Variants in FSTL5 observed in about 807,000 individuals in gnomAD.
The protein encoded by FSTL5 is follistatin like 5, also known as follistatin-related protein 5.
In FSTL5, 62 loss-of-function variants were observed where a neutral mutation model predicts 89.1. The observed-to-expected ratio is 0.70, with a 90% CI of 0.57 to 0.86. The LOEUF (loss-of-function observed/expected upper bound fraction) is 0.86. FSTL5 is among the 40% of genes least tolerant of loss of function. The probability of loss-of-function intolerance (pLI) is 0.00; values close to 1 mark genes in which losing one functional copy is unlikely to be tolerated. For synonymous variants in FSTL5, 383 were observed against 346.2 expected (o/e 1.11, Z -1.18); for missense variants, 1,057 against 1,001.6 (o/e 1.06, Z -0.75).
At chr4:161,569,901 C>T (rs1732948489) in intron 8 of FSTL5, among the ~76,000 whole-genome samples, 1 of 151,922 alleles carries the variant, frequency 6.6e-6, no homozygotes, top group South Asian at 2.1e-4. Context: ...GAGTTGGGGC[C>T]TAGCAATCTA....
chr4:162,054,154 T>G (rs961697454), intron 2 of FSTL5, among the ~76,000 whole-genome samples: 1 of 150,944 alleles, frequency 6.6e-6, no homozygotes, highest in Non-Finnish European at 1.5e-5. Flanking sequence ...GCATTTATAT[T>G]AGAAAATTTA....
chr4:162,128,188 C>G (rs1480531313), intron 1 of FSTL5, among the ~76,000 whole-genome samples: 1 of 152,118 alleles, frequency 6.6e-6, no homozygotes. Flanking sequence ...TAACTAATTA[C>G]TTCTAGTAAT....
Position 161,818,246 on chromosome 4 carries a change from G to T in FSTL5, c.410-42172C>A, listed in dbSNP as rs577323550. Among the ~76,000 whole-genome samples, 518 of 152,244 alleles carry T rather than the reference G, an allele frequency of 3.4e-3. 11 individuals are homozygous for T. The South Asian group carries it at 0.047, about 14-fold the overall frequency. On this transcript the variant is annotated intron_variant, in intron 4 of 15. Transcript: ENST00000306100. ...GAACAGTCAGAGGAGAGCCCAGGCC[G>T]CTGAGCAGCCCGACTCCAGAGGAAA... is the stretch of plus-strand genomic sequence containing the variant.
At chr4:161,470,023 ATCT>A (rs1311570237) in intron 13 of FSTL5, among the ~76,000 whole-genome samples, 2 of 152,082 alleles carry the variant, frequency 1.3e-5, no homozygotes, top group African/African-American at 2.4e-5. Context: ...ATTTGCATAT[ATCT>A]TCTTCTATTA....
intron 6 of FSTL5, among the ~76,000 whole-genome samples, chr4:161,734,118 A>G (rs1739710832): frequency 6.6e-6 from 1 of 152,186 alleles, no homozygotes; most frequent in Admixed American, 6.5e-5. Flanking sequence ...TAACGCTAAT[A>G]CAAAAGCATT....
chr4:161,531,373 A>G (rs1468893717), intron 10 of FSTL5, among the ~76,000 whole-genome samples: 1 of 152,180 alleles, frequency 6.6e-6, no homozygotes, highest in Admixed American at 6.5e-5. Context: ...TATTATGTAG[A>G]AAATAGCTGG....
intron 8 of FSTL5, among the ~76,000 whole-genome samples, chr4:161,568,287 T>C (rs567345788): frequency 3.5e-4 from 54 of 152,276 alleles, no homozygotes; most frequent in African/African-American, 1.1e-3. Context: ...ATCTCCTATA[T>C]GTGCAACATC....
intron 7 of FSTL5, among the ~76,000 whole-genome samples, chr4:161,588,751 T>A (rs551543272): frequency 1.3e-5 from 2 of 152,258 alleles, no homozygotes; most frequent in South Asian, 4.1e-4. Context: ...TCAACAGCTC[T>A]CCACAGCTGC....
intron 3 of FSTL5, among the ~76,000 whole-genome samples, chr4:161,922,106 T>A (rs1168111497): frequency 1.3e-5 from 2 of 152,002 alleles, no homozygotes; most frequent in African/African-American, 4.8e-5. Flanking sequence ...AATGGCATAT[T>A]TTTTAAAAAC....
At chr4:162,058,211 T>G (rs1738609771) in intron 2 of FSTL5, among the ~76,000 whole-genome samples, 1 of 152,046 alleles carries the variant, frequency 6.6e-6, no homozygotes. Flanking sequence ...GATCTGTTCT[T>G]TGATATCAGT....
At chr4:161,766,210 T>C (rs1215888735) in intron 5 of FSTL5, among the ~76,000 whole-genome samples, 1 of 152,218 alleles carries the variant, frequency 6.6e-6, no homozygotes, top group Non-Finnish European at 1.5e-5. Context: ...CACAAGGGAA[T>C]GACTTTGCTC....
intron 11 of FSTL5, among the ~76,000 whole-genome samples, chr4:161,503,608 T>G (rs1343749914): frequency 6.6e-6 from 1 of 151,980 alleles, no homozygotes; most frequent in African/African-American, 2.4e-5. Flanking sequence ...TGTGTGAAGT[T>G]AATAATGAAG....
chr4:162,034,430 G>C (rs1238522582), intron 2 of FSTL5, among the ~76,000 whole-genome samples: 2 of 151,980 alleles, frequency 1.3e-5, no homozygotes, highest in East Asian at 1.9e-4. Flanking sequence ...CTTAGAATTG[G>C]ACCCCATCTC....
intron 10 of FSTL5, among the ~76,000 whole-genome samples, chr4:161,511,396 T>C (rs967699832): frequency 9.2e-5 from 14 of 152,164 alleles, no homozygotes; most frequent in Admixed American, 2.0e-4. Context: ...ATGGTAAACA[T>C]TGCAATTTTT....
Position 161,735,656 on chromosome 4 carries a change from T to A in FSTL5, c.727+23755A>T, listed in dbSNP as rs564018305. On this transcript the variant is annotated intron_variant, in intron 6 of 15. Coordinates refer to ENST00000306100, the MANE Select transcript of FSTL5 (RefSeq NM_020116.5). Reference sequence around the variant, plus strand: ...TTCAGAATTTATCATGCGTATAGTATAAATACTTTCATTTGTTATTAATGC... The same window carrying A: ...TTCAGAATTTATCATGCGTATAGTAAAAATACTTTCATTTGTTATTAATGC... 2.6e-5 allele frequency among the ~76,000 whole-genome samples: 4 copies of A among 152,322 alleles called. No homozygotes were observed. The South Asian group carries it at 8.3e-4, about 32-fold the overall frequency.
chr4:161,653,229 C>T (rs1736401455), intron 7 of FSTL5, among the ~76,000 whole-genome samples: 1 of 152,120 alleles, frequency 6.6e-6, no homozygotes, highest in Non-Finnish European at 1.5e-5. Flanking sequence ...CAAAGATGCC[C>T]AAGGCACATA....
intron 3 of FSTL5, among the ~76,000 whole-genome samples, chr4:162,030,628 C>G (rs912659034): frequency 5.9e-5 from 9 of 152,114 alleles, no homozygotes; most frequent in Non-Finnish European, 2.9e-5. Flanking sequence ...AAGGGTAAGG[C>G]TGATACTGAG....
At chr4:161,676,386 AG>A (rs1314354632) in intron 6 of FSTL5, among the ~76,000 whole-genome samples, 1 of 152,140 alleles carries the variant, frequency 6.6e-6, no homozygotes, top group African/African-American at 2.4e-5. Context: ...CATCATTCTC[AG>A]CAAACTGACA....
intron 1 of FSTL5, among the ~76,000 whole-genome samples, chr4:162,136,144 C>G (rs1055321069): frequency 4.6e-5 from 7 of 151,942 alleles, no homozygotes; most frequent in Non-Finnish European, 1.0e-4. Flanking sequence ...CTCTCCCACA[C>G]CCCAAAATTC....
Sources: gnomAD v4.1 joint callset for allele counts (sites outside exome capture counted in the v4.1 genomes callset) on GRCh38, gnomAD v4.1.1 for gene constraint, MANE v1.5 for transcripts, NCBI Gene and HGNC (gene_info 2026-07-23, HGNC 2026-07-21) for gene names.